Variants in SDCCAG8 observed in about 807,000 individuals in gnomAD.
The protein encoded by SDCCAG8 is serologically defined colon cancer antigen 8.
SDCCAG8 carries 74 observed loss-of-function variants against 101.8 expected under a neutral mutation model. The ratio of observed to expected loss-of-function variants is 0.73; its 90% confidence interval spans 0.60 to 0.88. The LOEUF (loss-of-function observed/expected upper bound fraction) is 0.88, where lower values mean the gene tolerates loss of function less well. Ranked by LOEUF, SDCCAG8 falls within the 40% of genes least tolerant of loss-of-function variation. The pLI is 0.00. For synonymous variants in SDCCAG8, 281 were observed against 292.9 expected, an observed-to-expected ratio of 0.96 and a Z score of 0.41; for missense variants, 787 against 822.6, an observed-to-expected ratio of 0.96 and a Z score of 0.53.
At position 243,261,135 on chromosome 1, in the gene SDCCAG8, A is replaced by G. The variant is rs1323015406; in HGVS notation, c.67+4895A>G. Among the ~76,000 whole-genome samples, 17 of 152,322 alleles carry G rather than the reference A, an allele frequency of 1.1e-4. No individual in the cohort carries two copies. The East Asian group carries it at 2.5e-3, about 22-fold the overall frequency. ...TTGGGCAGTTTCTGCTTTTTCTAAA[A>G]ACATTTCAATTTCTTCCTTGCTCCC... On this transcript the variant is annotated intron_variant, in intron 1 of 17. Transcript: ENST00000366541.
At position 243,341,168 on chromosome 1, in the gene SDCCAG8, A is replaced by G. The variant is rs1422587582; in HGVS notation, c.1351A>G (p.Thr451Ala). The change falls in exon 11 of 18, where the codon ACA becomes GCA. Residue 451 changes from threonine to alanine, a missense_variant. Transcript: ENST00000366541. The stretch of plus-strand genomic sequence containing the variant: ...GCTGGCTTCTCGGGAAATGGATGTC[A>G]CAAAGGTACAGAAAGAGATTTTAGT... ...SQLASREMDVTKVCGEMRYQL... is the reference protein window; with the variant it reads ...SQLASREMDVAKVCGEMRYQL... 6.2e-7 allele frequency: 1 copy of G among 1,613,986 alleles called. No individual in the cohort carries two copies. Among genetic ancestry groups the G allele is most frequent in the African/African-American group, 1.3e-5 (1 of 75,060 alleles).
intron 16 of SDCCAG8, chr1:243,476,423 C>G: frequency 1.1e-6 from 1 of 918,178 alleles, no homozygotes. Flanking sequence ...CTTATGCCAT[C>G]ACACCTCTGT....
intron 12 of SDCCAG8, 147 bp from the exon 13 acceptor site, chr1:243,378,574 C>G: frequency 1.3e-6 from 1 of 790,726 alleles, no homozygotes; most frequent in Non-Finnish European, 2.1e-6. Flanking sequence ...TGTGCTAATT[C>G]CTTTTGTCAT....
intron 12 of SDCCAG8, among the ~76,000 whole-genome samples, chr1:243,360,502 C>T (rs1019592739): frequency 2.0e-5 from 3 of 151,948 alleles, no homozygotes; most frequent in Admixed American, 2.0e-4. Flanking sequence ...CTAGCCCCTT[C>T]ACAGCATAAG....
At chr1:243,426,024 A>T (rs1381233745) in intron 15 of SDCCAG8, among the ~76,000 whole-genome samples, 2 of 152,260 alleles carry the variant, frequency 1.3e-5, no homozygotes, top group African/African-American at 4.8e-5. Context: ...ACTGTGTGCC[A>T]TTAAACTGGT....
chr1:243,371,515 A>G lies in SDCCAG8; in HGVS notation c.1474-7206A>G, dbSNP rs2077286994. Among the ~76,000 whole-genome samples, 4 of 152,270 alleles carry G rather than the reference A, an allele frequency of 2.6e-5. No individual in the cohort carries two copies. The Middle Eastern group carries it at 0.01, about 388-fold the overall frequency. ...GTGCTTGGTACATGGTAAGCACTCA[A>G]AAGTGATAGCTGGTATCAGTGTTAC... On this transcript the variant is annotated intron_variant, in intron 12 of 17. Transcript: ENST00000366541.
intron 16 of SDCCAG8, among the ~76,000 whole-genome samples, chr1:243,432,438 A>G (rs2081849652): frequency 6.6e-6 from 1 of 152,200 alleles, no homozygotes; most frequent in Non-Finnish European, 1.5e-5. Context: ...TACTCGGCTT[A>G]ATACTAGGGT....
intron 1 of SDCCAG8, among the ~76,000 whole-genome samples, chr1:243,269,592 G>A (rs889261172): frequency 2.0e-5 from 3 of 151,954 alleles, no homozygotes; most frequent in Admixed American, 2.0e-4. Flanking sequence ...ATCAAAACTA[G>A]GCCAGACATG....
At chr1:243,424,521 T>C (rs2081218873) in intron 15 of SDCCAG8, among the ~76,000 whole-genome samples, 1 of 152,122 alleles carries the variant, frequency 6.6e-6, no homozygotes, top group Non-Finnish European at 1.5e-5. Context: ...TTCTAAATTA[T>C]AAAATGAAAT....
chr1:243,302,472 C>T (rs375461768), intron 6 of SDCCAG8, among the ~76,000 whole-genome samples: 1 of 152,044 alleles, frequency 6.6e-6, no homozygotes, highest in South Asian at 2.1e-4. Context: ...TCAGGACTGC[C>T]CTTATCTATA....
At chr1:243,459,517 G>A (rs1017226962) in intron 16 of SDCCAG8, among the ~76,000 whole-genome samples, 1 of 151,978 alleles carries the variant, frequency 6.6e-6, no homozygotes, top group African/African-American at 2.4e-5. Flanking sequence ...GGGGGGTGGG[G>A]GGTGGAAATA....
chr1:243,348,074 C>A (rs1478466360), intron 12 of SDCCAG8, among the ~76,000 whole-genome samples: 1 of 132,962 alleles, frequency 7.5e-6, no homozygotes, highest in Non-Finnish European at 1.6e-5. Flanking sequence ...CTCCCTCTGT[C>A]GCCCAGGCTG....
chr1:243,491,122 A>G (rs1666303024), intron 17 of SDCCAG8, among the ~76,000 whole-genome samples: 1 of 152,186 alleles, frequency 6.6e-6, no homozygotes, highest in East Asian at 1.9e-4. Flanking sequence ...AGATCAGGAG[A>G]ACGTGGGCTT....
intron 11 of SDCCAG8, among the ~76,000 whole-genome samples, chr1:243,343,662 T>C (rs1056907072): frequency 3.3e-5 from 5 of 152,352 alleles, no homozygotes; most frequent in African/African-American, 9.6e-5. Context: ...ATACCTCATA[T>C]TGTGTATGAT....
chr1:243,493,194 C>T (rs1666993401), intron 17 of SDCCAG8, among the ~76,000 whole-genome samples: 1 of 63,710 alleles, frequency 1.6e-5, no homozygotes. Context: ...GAGGCAGGCC[C>T]TGGCTGGGGG....
At position 243,318,058 on chromosome 1, in the gene SDCCAG8, TA is replaced by T. The variant is rs1318411244; in HGVS notation, c.1068+1168del. The T allele has an allele frequency of 6.6e-6, 3 of 456,560 alleles. No individual in the cohort carries two copies. The Admixed American group carries it at 7.0e-5, about 11-fold the overall frequency. 28.3% of individuals were successfully genotyped at this position (456,560 alleles called of 1,614,324 possible). On this transcript the variant is annotated intron_variant, in intron 9 of 17. Transcript: ENST00000366541. Reference sequence around the variant, plus strand: ...GCAGCACCCTTCACAATAGCAAACGTAAACGATGGAATTGATGGAATCAACC... The same window carrying T: ...GCAGCACCCTTCACAATAGCAAACGTAACGATGGAATTGATGGAATCAACC...
chr1:243,453,877 C>T (rs540109010), intron 16 of SDCCAG8, among the ~76,000 whole-genome samples: 12 of 152,246 alleles, frequency 7.9e-5, no homozygotes, highest in African/African-American at 2.9e-4. Context: ...CAAAAGCCAA[C>T]CTGAGACCTA....
At chr1:243,436,931 TATATC>T (rs2082172712) in intron 16 of SDCCAG8, among the ~76,000 whole-genome samples, 1 of 152,200 alleles carries the variant, frequency 6.6e-6, no homozygotes, top group Non-Finnish European at 1.5e-5. Context: ...TTTCTGTTCT[TATATC>T]AGAGGGGAAA....
At chr1:243,359,460 A>C (rs2076570775) in intron 12 of SDCCAG8, among the ~76,000 whole-genome samples, 1 of 152,184 alleles carries the variant, frequency 6.6e-6, no homozygotes, top group South Asian at 2.1e-4. Flanking sequence ...TTTAGAAAAA[A>C]AATATATCAT....
Sources: allele counts gnomAD v4.1 joint callset (sites outside exome capture counted in the v4.1 genomes callset), GRCh38; gene constraint gnomAD v4.1.1; transcripts MANE v1.5; gene names NCBI Gene and HGNC (gene_info 2026-07-23, HGNC 2026-07-21).